Variants in SKIC3 observed in about 807,000 individuals in gnomAD.
SKIC3 encodes the protein SKI3 subunit of superkiller complex.
the SKIC3 span, among the ~76,000 whole-genome samples, chr5:95,490,291 A>C: frequency 6.6e-6 from 1 of 151,834 alleles, no homozygotes; most frequent in African/African-American, 2.4e-5. Context: ...GCTACAAAAC[A>C]AAGATTTCAG....
the SKIC3 span, among the ~76,000 whole-genome samples, chr5:95,496,815 T>C: frequency 6.6e-6 from 1 of 152,160 alleles, no homozygotes; most frequent in Non-Finnish European, 1.5e-5. Context: ...TCGTGGCAAG[T>C]GTTCAAAACA....
At chr5:95,510,653 C>T in the SKIC3 span, among the ~76,000 whole-genome samples, 1 of 152,210 alleles carries the variant, frequency 6.6e-6, no homozygotes, top group South Asian at 2.1e-4. Context: ...TCCAACCCAA[C>T]TAATCAGCAC....
At chr5:95,510,087 TA>T in the SKIC3 span, among the ~76,000 whole-genome samples, 1 of 151,994 alleles carries the variant, frequency 6.6e-6, no homozygotes, top group African/African-American at 2.4e-5. Flanking sequence ...TGTACGTATT[TA>T]AAAAAAATAA....
chr5:95,489,134 T>C, the SKIC3 span, among the ~76,000 whole-genome samples: 5 of 151,990 alleles, frequency 3.3e-5, no homozygotes, highest in South Asian at 2.1e-4. Flanking sequence ...CTGAGCAACA[T>C]AGCAAGACCT....
the SKIC3 span, chr5:95,516,547 T>C: frequency 1.2e-6 from 2 of 1,613,468 alleles, no homozygotes; most frequent in East Asian, 4.5e-5. Context: ...CTGGATTGAT[T>C]TGATGAAACA....
the SKIC3 span, among the ~76,000 whole-genome samples, chr5:95,505,440 G>A: frequency 3.3e-5 from 5 of 152,238 alleles, no homozygotes; most frequent in East Asian, 1.9e-4. Flanking sequence ...TAAGATGTGC[G>A]TGCTTTTGTG....
chr5:95,538,805 T>C, the SKIC3 span, among the ~76,000 whole-genome samples: 2 of 152,120 alleles, frequency 1.3e-5, no homozygotes, highest in African/African-American at 4.8e-5. Flanking sequence ...TTACTCTAAA[T>C]ACTAAATATA....
the SKIC3 span, chr5:95,464,587 T>C: frequency 2.5e-6 from 4 of 1,581,180 alleles, no homozygotes; most frequent in Admixed American, 1.7e-5. Flanking sequence ...TTTGCTTCCT[T>C]ACTATAAAAT....
At chr5:95,471,307 ACT>A in the SKIC3 span, among the ~76,000 whole-genome samples, 504 of 152,262 alleles carry the variant, frequency 3.3e-3, 1 homozygote, top group Middle Eastern at 0.014. Context: ...CATATAAAAC[ACT>A]CTGTAAAGTT....
the SKIC3 span, among the ~76,000 whole-genome samples, chr5:95,524,246 G>GT: frequency 2.0e-5 from 3 of 151,974 alleles, no homozygotes; most frequent in Non-Finnish European, 2.9e-5. Context: ...ATTATGTCTC[G>GT]TTTTCTACAA....
At chr5:95,468,471 A>G in the SKIC3 span, among the ~76,000 whole-genome samples, 1 of 152,174 alleles carries the variant, frequency 6.6e-6, no homozygotes, top group Non-Finnish European at 1.5e-5. Flanking sequence ...TCAGGCTTTT[A>G]GCATATGTTT....
the SKIC3 span, chr5:95,507,161 T>C: frequency 2.8e-6 from 2 of 716,530 alleles, no homozygotes; most frequent in Admixed American, 2.6e-5. Flanking sequence ...ATTAAGTTGG[T>C]ACCACAAAAG....
At chr5:95,514,891 G>C in the SKIC3 span, 3 of 1,612,278 alleles carry the variant, frequency 1.9e-6, no homozygotes, top group Non-Finnish European at 2.5e-6. Context: ...ATGGATCAAG[G>C]GATTGAGCCA....
the SKIC3 span, chr5:95,537,253 C>T: frequency 1.1e-6 from 1 of 947,452 alleles, no homozygotes; most frequent in Non-Finnish European, 1.6e-6. Context: ...ATGTATTCTA[C>T]AGTCTAACCC....
At chr5:95,493,854 A>G in the SKIC3 span, among the ~76,000 whole-genome samples, 2 of 151,816 alleles carry the variant, frequency 1.3e-5, no homozygotes, top group African/African-American at 4.8e-5. Flanking sequence ...TTATAACCCT[A>G]TACTGCTAGA....
the SKIC3 span, among the ~76,000 whole-genome samples, chr5:95,545,532 C>T: frequency 6.6e-6 from 1 of 152,164 alleles, no homozygotes; most frequent in South Asian, 2.1e-4. Context: ...TTTAACCACA[C>T]CAAGTTCTGC....
chr5:95,548,174 C>G, the SKIC3 span, among the ~76,000 whole-genome samples: 1 of 151,876 alleles, frequency 6.6e-6, no homozygotes, highest in Non-Finnish European at 1.5e-5. Context: ...TTTCTGTCAG[C>G]TCCTCTAATC....
At chr5:95,483,030 AC>A in the SKIC3 span, among the ~76,000 whole-genome samples, 4 of 152,146 alleles carry the variant, frequency 2.6e-5, no homozygotes, top group Non-Finnish European at 5.9e-5. Context: ...AAAGAGGCAT[AC>A]ATTTTTTTCT....
chr5:95,527,253 G>A, the SKIC3 span, among the ~76,000 whole-genome samples: 10 of 152,280 alleles, frequency 6.6e-5, no homozygotes, highest in Non-Finnish European at 1.3e-4. Context: ...CAAAATAGCA[G>A]TCATTTGTTT....
Sources: gnomAD v4.1 joint callset for allele counts (sites outside exome capture counted in the v4.1 genomes callset) on GRCh38, gnomAD v4.1.1 for gene constraint, MANE v1.5 for transcripts, NCBI Gene and HGNC (gene_info 2026-07-23, HGNC 2026-07-21) for gene names.